FOXP2: variants seen among roughly 807,000 people sequenced by gnomAD.
The protein encoded by FOXP2 is forkhead box P2.
Under a neutral mutation model 115.8 loss-of-function variants are expected in FOXP2, and 12 were observed. The observed-to-expected ratio is 0.10, with a 90% CI of 0.07 to 0.17. The LOEUF (loss-of-function observed/expected upper bound fraction) is 0.17, where lower values mean the gene tolerates loss of function less well. Ranked by LOEUF, FOXP2 falls within the 10% of genes least tolerant of loss-of-function variation. FOXP2 has a pLI of 1.00. For synonymous variants in FOXP2, 328 were observed against 297.7 expected (o/e 1.10, Z -1.05); for missense variants, 629 against 843.5 (o/e 0.75, Z 3.15).
At chr7:114,340,666 T>G (rs1791181497) in intron 2 of FOXP2, among the ~76,000 whole-genome samples, 2 of 151,290 alleles carry the variant, frequency 1.3e-5, no homozygotes, top group East Asian at 3.9e-4. Context: ...CAGTAGCATT[T>G]GTCGATAATA....
intron 1 of FOXP2, among the ~76,000 whole-genome samples, chr7:114,285,661 A>T (rs772672737): frequency 6.6e-6 from 1 of 152,090 alleles, no homozygotes; most frequent in Non-Finnish European, 1.5e-5. Context: ...CGCAGAATTC[A>T]TTCAAATTCA....
chr7:114,277,247 A>G (rs1385735129), intron 1 of FOXP2, among the ~76,000 whole-genome samples: 1 of 152,144 alleles, frequency 6.6e-6, no homozygotes, highest in Non-Finnish European at 1.5e-5. Flanking sequence ...GTTTTTGATA[A>G]TGTTTCTGTA....
At chr7:114,251,767 T>C (rs899574825) in intron 1 of FOXP2, among the ~76,000 whole-genome samples, 1 of 152,198 alleles carries the variant, frequency 6.6e-6, no homozygotes, top group African/African-American at 2.4e-5. Flanking sequence ...CTTTTCCTAA[T>C]TGAATATCCT....
chr7:114,621,981 T>G (rs1353405528), intron 3 of FOXP2, among the ~76,000 whole-genome samples: 1 of 152,032 alleles, frequency 6.6e-6, no homozygotes, highest in Non-Finnish European at 1.5e-5. Context: ...TTTTATTGCT[T>G]TGCAATGGCA....
chr7:114,193,060 T>C (rs1793805477), intron 1 of FOXP2, among the ~76,000 whole-genome samples: 1 of 152,130 alleles, frequency 6.6e-6, no homozygotes, highest in Admixed American at 6.5e-5. Flanking sequence ...ATATTAACAT[T>C]ATTTATAGTA....
chr7:114,416,386 A>G (rs760438608), intron 1 of FOXP2: 1 of 151,788 alleles, frequency 6.6e-6, no homozygotes, highest in East Asian at 1.9e-4. Context: ...TGCAACACCA[A>G]CAGCTTTTTC....
chr7:114,340,194 G>T (rs1049082830), intron 2 of FOXP2, among the ~76,000 whole-genome samples: 1 of 151,100 alleles, frequency 6.6e-6, no homozygotes, highest in African/African-American at 2.4e-5. Flanking sequence ...GATTTCTTCT[G>T]ATCCCACAAT....
intron 1 of FOXP2, among the ~76,000 whole-genome samples, chr7:114,092,941 C>A (rs1799572975): frequency 6.6e-6 from 1 of 152,072 alleles, no homozygotes; most frequent in African/African-American, 2.4e-5. Context: ...ACCAATCTGG[C>A]CAGATACACC....
chr7:114,542,364 T>A (rs1171848511), intron 3 of FOXP2, among the ~76,000 whole-genome samples: 1 of 152,154 alleles, frequency 6.6e-6, no homozygotes, highest in Non-Finnish European at 1.5e-5. Flanking sequence ...CAATCCAGTA[T>A]CTAATATTTA....
intron 1 of FOXP2, among the ~76,000 whole-genome samples, chr7:114,138,220 A>C (rs1194487155): frequency 6.6e-6 from 1 of 152,144 alleles, no homozygotes; most frequent in Non-Finnish European, 1.5e-5. Context: ...TGTGCATGGC[A>C]ATTTCTGTAC....
At chr7:114,127,664 A>G (rs1191025886) in intron 1 of FOXP2, among the ~76,000 whole-genome samples, 1 of 152,146 alleles carries the variant, frequency 6.6e-6, no homozygotes, top group Non-Finnish European at 1.5e-5. Flanking sequence ...AGAAGAACAG[A>G]CTTTTTGAAT....
At chr7:114,189,546 C>T (rs1793700682) in intron 1 of FOXP2, among the ~76,000 whole-genome samples, 1 of 152,080 alleles carries the variant, frequency 6.6e-6, no homozygotes, top group South Asian at 2.1e-4. Flanking sequence ...TATTTTCTTT[C>T]TCTAAGTCAA....
At position 114,652,189 on chromosome 7, in the gene FOXP2, TTC is replaced by T; in HGVS notation, c.1095-12_1095-11del. 6.2e-7 allele frequency: 1 copy of T among 1,612,310 alleles called. No individual in the cohort carries two copies. Among genetic ancestry groups the T allele is most frequent in the African/African-American group, 1.3e-5 (1 of 74,956 alleles). ...ATCACTTTACATTCTGTTTTGTGTC[TTC>T]TGTTTGTTTAGGCACCTTAACAATG... On this transcript the variant is annotated splice_polypyrimidine_tract_variant and intron_variant, in intron 8 of 16. Transcript: ENST00000350908.
intron 10 of FOXP2, chr7:114,656,376 A>G (rs1346949829): frequency 4.1e-6 from 1 of 243,640 alleles, no homozygotes; most frequent in African/African-American, 2.3e-5. Context: ...ACATACAAGT[A>G]TGTAATGCTG....
chr7:114,441,811 C>T (rs368285140), intron 2 of FOXP2, among the ~76,000 whole-genome samples: 253 of 152,278 alleles, frequency 1.7e-3, no homozygotes, highest in Admixed American at 5.2e-3. Context: ...CACTGAGATA[C>T]TACTTTATAC....
intron 2 of FOXP2, among the ~76,000 whole-genome samples, chr7:114,491,353 GTT>G (rs1797043367): frequency 6.6e-6 from 1 of 152,058 alleles, no homozygotes; most frequent in Non-Finnish European, 1.5e-5. Flanking sequence ...CGATGGGGTT[GTT>G]TGTTTTTTTC....
chr7:114,552,824 ATAAT>A (rs1433974606), intron 3 of FOXP2, among the ~76,000 whole-genome samples: 1 of 152,184 alleles, frequency 6.6e-6, no homozygotes, highest in Non-Finnish European at 1.5e-5. Context: ...ATTTAGAAAT[ATAAT>A]TATATAGAGG....
At chr7:114,271,848 A>G (rs1309591128) in intron 1 of FOXP2, among the ~76,000 whole-genome samples, 3 of 123,132 alleles carry the variant, frequency 2.4e-5, no homozygotes, top group African/African-American at 9.7e-5. Context: ...AAATATTATT[A>G]AATAATTATT....
chr7:114,223,097 A>T (rs763451367), intron 1 of FOXP2, among the ~76,000 whole-genome samples: 1 of 152,182 alleles, frequency 6.6e-6, no homozygotes, highest in Non-Finnish European at 1.5e-5. Flanking sequence ...GTACACATAT[A>T]CAAGATTTTC....
Sources: gnomAD v4.1 joint callset for allele counts (sites outside exome capture counted in the v4.1 genomes callset) on GRCh38, gnomAD v4.1.1 for gene constraint, MANE v1.5 for transcripts, NCBI Gene and HGNC (gene_info 2026-07-23, HGNC 2026-07-21) for gene names.